The following ADGRA3 variants were observed in gnomAD, a reference collection of about 807,000 sequenced individuals.
ADGRA3 encodes the protein G-protein coupled receptor 125.
Under a neutral mutation model 119.8 loss-of-function variants are expected in ADGRA3, and 56 were observed. The observed-to-expected ratio is 0.47, with a 90% CI of 0.38 to 0.58. The LOEUF (loss-of-function observed/expected upper bound fraction) is 0.58. Ranked by LOEUF, ADGRA3 falls within the 20% of genes least tolerant of loss-of-function variation. The pLI is 0.00. For missense variants in ADGRA3, 1,516 were observed against 1,649.0 expected (o/e 0.92, Z 1.40); for synonymous variants, 607 against 623.8 (o/e 0.97, Z 0.40).
At chr4:22,497,135 A>C (rs1718857474) in intron 1 of ADGRA3, among the ~76,000 whole-genome samples, 1 of 152,204 alleles carries the variant, frequency 6.6e-6, no homozygotes, top group Non-Finnish European at 1.5e-5. Context: ...CAGAGGGTTG[A>C]CAGGGAATCA....
chr4:22,391,284 C>T lies in ADGRA3; in HGVS notation c.2627+1261G>A, dbSNP rs575443751. On this transcript the variant is annotated intron_variant, in intron 17 of 18. Transcript: ENST00000334304. ...ATTCCACAAGAAAGTACTGAGGAGC[C>T]TGCCACCCCATTTCCCCTCTCCATG... Among the ~76,000 whole-genome samples, 6 of 152,214 alleles carry T rather than the reference C, an allele frequency of 3.9e-5. No individual in the cohort carries two copies. In the South Asian group the frequency reaches 6.2e-4, roughly 16 times the overall value.
In ADGRA3 at chr4:22,401,420, C is replaced by A; in HGVS notation, c.2481+11G>T. The A allele has an allele frequency of 6.3e-7, 1 of 1,576,588 alleles. No homozygotes were observed. Among genetic ancestry groups the A allele is most frequent in the Non-Finnish European group, 8.6e-7 (1 of 1,161,766 alleles). Reference sequence around the variant, plus strand: ...TAATTTTTTCCATTTCGGTTTTTCACTCTGACTTACTGCTTGGCAGATGCT... The same window carrying A: ...TAATTTTTTCCATTTCGGTTTTTCAATCTGACTTACTGCTTGGCAGATGCT... On this transcript the variant is annotated intron_variant, in intron 16 of 18. Transcript: ENST00000334304.
At chr4:22,421,881 C>CAAAAAAAAAAA (rs754845592) in intron 11 of ADGRA3, among the ~76,000 whole-genome samples, 1 of 70,442 alleles carries the variant, frequency 1.4e-5, no homozygotes, top group African/African-American at 6.4e-5. Context: ...ACTCAGTCTC[C>CAAAAAAAAAAA]AAAAAAAAAA....
chr4:22,476,100 T>C (rs891032249), intron 1 of ADGRA3, among the ~76,000 whole-genome samples: 20 of 152,180 alleles, frequency 1.3e-4, no homozygotes, highest in African/African-American at 4.3e-4. Context: ...ACCAAAAACA[T>C]TCCGATTAAA....
intron 2 of ADGRA3, among the ~76,000 whole-genome samples, chr4:22,464,779 G>A (rs971863291): frequency 6.6e-6 from 1 of 152,218 alleles, no homozygotes; most frequent in Non-Finnish European, 1.5e-5. Flanking sequence ...TGGGGGGTCT[G>A]AGTGTGCTCC....
rs1371018612 is a variant in ADGRA3 at position 22,413,691 on chromosome 4, T to C, written c.1933A>G (p.Lys645Glu). ...KLQLIAFRNGKLFPATGNSTN... is the reference protein window; with the variant it reads ...KLQLIAFRNGELFPATGNSTN... ...GAATTTCCAGTGGCTGGAAAAAGCTTTCCATTGCGGAATGCAATGAGTTGA... is the reference window on the plus strand; with the variant it reads ...GAATTTCCAGTGGCTGGAAAAAGCTCTCCATTGCGGAATGCAATGAGTTGA... Residue 645 changes from lysine (K) to glutamate (E), a missense_variant, in exon 13 of 19, where the codon AAG (lysine) becomes GAG (glutamate). Lys to Glu is a moderately conservative substitution (Grantham distance 56, BLOSUM62 1). Coordinates refer to ENST00000334304, the MANE Select transcript of ADGRA3 (RefSeq NM_145290.4). 1 of 1,613,976 alleles carries C rather than the reference T, an allele frequency of 6.2e-7. No individual in the cohort carries two copies. The highest frequency in any genetic ancestry group is 8.5e-7 in the Non-Finnish European group (1 of 1,179,936).
intron 7 of ADGRA3, among the ~76,000 whole-genome samples, chr4:22,439,914 G>A (rs957978792): frequency 2.0e-5 from 3 of 151,988 alleles, no homozygotes; most frequent in Admixed American, 1.3e-4. Flanking sequence ...TCCCCCAAAT[G>A]TCTATCTATA....
intron 16 of ADGRA3, among the ~76,000 whole-genome samples, chr4:22,400,666 T>C (rs915610310): frequency 6.6e-6 from 1 of 152,152 alleles, no homozygotes; most frequent in South Asian, 2.1e-4. Flanking sequence ...AGTGAACAAT[T>C]TGTTTACAGA....
chr4:22,400,742 A>C (rs1244275390), intron 16 of ADGRA3, among the ~76,000 whole-genome samples: 1 of 152,210 alleles, frequency 6.6e-6, no homozygotes. Context: ...AAAAAGGTTA[A>C]ACAGATTGCC....
chr4:22,406,186 T>C (rs188917016), intron 14 of ADGRA3, among the ~76,000 whole-genome samples: 72 of 152,352 alleles, frequency 4.7e-4, no homozygotes, highest in African/African-American at 1.6e-3. Flanking sequence ...TTGGTGTATA[T>C]ATACCATATT....
chr4:22,446,382 T>C (rs563635647), intron 5 of ADGRA3, among the ~76,000 whole-genome samples: 1 of 152,290 alleles, frequency 6.6e-6, no homozygotes, highest in African/African-American at 2.4e-5. Flanking sequence ...CAGACTAGCT[T>C]TTGTCTTTTT....
intron 3 of ADGRA3, among the ~76,000 whole-genome samples, chr4:22,460,996 G>C (rs16872682): frequency 0.072 from 10,990 of 152,268 alleles, 609 homozygotes; most frequent in East Asian, 0.18. Context: ...ATAGGAGATA[G>C]GGGAGTTGTT....
chr4:22,497,942 T>TAAA (rs74413790), intron 1 of ADGRA3, among the ~76,000 whole-genome samples: 15 of 111,468 alleles, frequency 1.3e-4, no homozygotes, highest in South Asian at 6.4e-4. Flanking sequence ...AGACCCCATC[T>TAAA]AAAAAAAAAA....
At chr4:22,414,523 T>C (rs1715355149) in intron 12 of ADGRA3, 1 of 656,606 alleles carries the variant, frequency 1.5e-6, no homozygotes, top group Admixed American at 2.5e-5. Flanking sequence ...CTAAAAACAT[T>C]CCATAGTTGA....
At chr4:22,440,659 TCTA>T (rs1716576044) in intron 7 of ADGRA3, among the ~76,000 whole-genome samples, 1 of 152,192 alleles carries the variant, frequency 6.6e-6, no homozygotes, top group East Asian at 1.9e-4. Context: ...ATACAGTAAA[TCTA>T]CTTATTTTAT....
intron 1 of ADGRA3, among the ~76,000 whole-genome samples, chr4:22,513,143 CTTTTT>C (rs142313161): frequency 4.5e-5 from 6 of 133,492 alleles, no homozygotes; most frequent in Admixed American, 1.5e-4. Context: ...CAACTTTCCT[CTTTTT>C]TTTTTTTTTT....
intron 16 of ADGRA3, chr4:22,398,213 C>T (rs1714451190): frequency 1.2e-6 from 1 of 843,188 alleles, no homozygotes; most frequent in Non-Finnish European, 1.4e-6. Context: ...TAACAGGTAA[C>T]ATTTATTGAA....
intron 16 of ADGRA3, among the ~76,000 whole-genome samples, chr4:22,396,537 T>C (rs1714362800): frequency 6.6e-6 from 1 of 152,202 alleles, no homozygotes; most frequent in African/African-American, 2.4e-5. Context: ...TAAGCTGTTC[T>C]GGCAGGACAC....
chr4:22,388,997 T>C (rs772223561), intron 18 of ADGRA3, 50 bp from the exon 19 acceptor site: 1 of 1,602,934 alleles, frequency 6.2e-7, no homozygotes, highest in Non-Finnish European at 8.5e-7. Context: ...TTCAACAAAT[T>C]ATCTACGAAA....
Sources: allele counts gnomAD v4.1 joint callset (sites outside exome capture counted in the v4.1 genomes callset), GRCh38; gene constraint gnomAD v4.1.1; transcripts MANE v1.5; gene names NCBI Gene and HGNC (gene_info 2026-07-23, HGNC 2026-07-21).